The following ZNF407 variants were observed in gnomAD, a reference collection of about 807,000 sequenced individuals.
ZNF407 encodes the protein zinc finger protein 407.
Under a neutral mutation model 131.2 loss-of-function variants are expected in ZNF407, and 17 were observed. That is an observed-to-expected ratio of 0.13 (90% CI 0.09 to 0.19). The LOEUF is 0.19. ZNF407 is among the 10% of genes least tolerant of loss of function. The pLI, the probability that ZNF407 is intolerant of heterozygous loss-of-function variation, is 1.00. For synonymous variants in ZNF407, 1,156 were observed against 1,062.0 expected, an observed-to-expected ratio of 1.09 and a Z score of -1.72; for missense variants, 2,681 against 2,830.6, an observed-to-expected ratio of 0.95 and a Z score of 1.20.
chr18:74,811,072 T>A (rs564474389), intron 4 of ZNF407, among the ~76,000 whole-genome samples: 2 of 151,952 alleles, frequency 1.3e-5, no homozygotes, highest in African/African-American at 4.8e-5. Flanking sequence ...GAAACTACCA[T>A]CAGAGTGAAC....
intron 3 of ZNF407, among the ~76,000 whole-genome samples, chr18:74,766,084 G>A (rs2144986747): frequency 6.6e-6 from 1 of 150,986 alleles, no homozygotes; most frequent in East Asian, 1.9e-4. Context: ...TGTGTGTGTG[G>A]CTGTGTGAAT....
chr18:74,637,368 TA>T (rs1179369735), intron 2 of ZNF407, among the ~76,000 whole-genome samples: 2 of 152,228 alleles, frequency 1.3e-5, no homozygotes, highest in African/African-American at 4.8e-5. Flanking sequence ...TCCTTGACTA[TA>T]TGTATTAATT....
intron 8 of ZNF407, among the ~76,000 whole-genome samples, chr18:75,043,290 T>C (rs1236514686): frequency 6.6e-6 from 1 of 152,222 alleles, no homozygotes; most frequent in Non-Finnish European, 1.5e-5. Context: ...TCTTTTCATG[T>C]ATCCATGTGT....
At chr18:74,843,140 T>C (rs1355465279) in intron 4 of ZNF407, among the ~76,000 whole-genome samples, 3 of 152,242 alleles carry the variant, frequency 2.0e-5, no homozygotes, top group Non-Finnish European at 4.4e-5. Flanking sequence ...AAAAATACTT[T>C]GACGAATGAG....
intron 4 of ZNF407, among the ~76,000 whole-genome samples, chr18:74,855,981 C>G (rs1055489864): frequency 6.6e-6 from 1 of 152,226 alleles, no homozygotes; most frequent in Non-Finnish European, 1.5e-5. Flanking sequence ...ACAGCCCTAA[C>G]AATAAGAGAG....
chr18:74,728,915 C>CGGTTG (rs1354555798), intron 3 of ZNF407, among the ~76,000 whole-genome samples: 1 of 152,124 alleles, frequency 6.6e-6, no homozygotes, highest in Non-Finnish European at 1.5e-5. Flanking sequence ...TTGAGTGGTA[C>CGGTTG]GGTTGTTTTT....
intron 8 of ZNF407, among the ~76,000 whole-genome samples, chr18:74,978,623 AG>A (rs1972554259): frequency 6.6e-6 from 1 of 151,732 alleles, no homozygotes; most frequent in South Asian, 2.1e-4. Flanking sequence ...TTTAGCGAGG[AG>A]GGACATACTG....
chr18:74,973,341 A>T (rs1265552295), intron 8 of ZNF407, among the ~76,000 whole-genome samples: 1 of 152,218 alleles, frequency 6.6e-6, no homozygotes, highest in East Asian at 1.9e-4. Flanking sequence ...CAGTCACCAA[A>T]CATAATTTAG....
intron 3 of ZNF407, among the ~76,000 whole-genome samples, chr18:74,704,468 A>G (rs1279314608): frequency 1.3e-5 from 2 of 152,196 alleles, no homozygotes; most frequent in Non-Finnish European, 2.9e-5. Context: ...GGAGCTTGAC[A>G]CAGATCTGGG....
intron 3 of ZNF407, among the ~76,000 whole-genome samples, chr18:74,702,300 A>G (rs187059889): frequency 8.5e-5 from 13 of 152,280 alleles, no homozygotes; most frequent in Non-Finnish European, 1.8e-4. Flanking sequence ...TTTCCAATCA[A>G]GTACACTTTT....
intron 3 of ZNF407, among the ~76,000 whole-genome samples, chr18:74,777,200 T>C (rs1009973583): frequency 1.3e-5 from 2 of 152,172 alleles, no homozygotes; most frequent in African/African-American, 4.8e-5. Flanking sequence ...AGAATTTATT[T>C]TGAAATATTG....
At chr18:74,866,356 C>T (rs7227571) in intron 4 of ZNF407, among the ~76,000 whole-genome samples, 15,262 of 152,138 alleles carry the variant, frequency 0.1, 991 homozygotes, top group Middle Eastern at 0.23. Context: ...ACCTTTCTAG[C>T]TAATCTTACC....
intron 8 of ZNF407, among the ~76,000 whole-genome samples, chr18:74,925,783 G>A (rs138352914): frequency 1.7e-4 from 26 of 152,286 alleles, no homozygotes; most frequent in East Asian, 9.6e-4. Flanking sequence ...AAAAAGGAAC[G>A]AAATTTTTCC....
intron 8 of ZNF407, among the ~76,000 whole-genome samples, chr18:75,028,207 T>C (rs1973193986): frequency 1.3e-5 from 2 of 152,196 alleles, no homozygotes; most frequent in African/African-American, 4.8e-5. Flanking sequence ...CAAAGCACCA[T>C]GGGCTGGGCG....
chr18:74,875,527 G>T (rs990010893), intron 4 of ZNF407, among the ~76,000 whole-genome samples: 1 of 152,288 alleles, frequency 6.6e-6, no homozygotes, highest in African/African-American at 2.4e-5. Context: ...TCTTGTAGGA[G>T]AAGGTTAGAG....
At chr18:75,019,907 C>T (rs576145601) in intron 8 of ZNF407, among the ~76,000 whole-genome samples, 14 of 152,100 alleles carry the variant, frequency 9.2e-5, no homozygotes, top group Non-Finnish European at 1.8e-4. Context: ...ACAAGAACAG[C>T]AAGGGGGAAA....
intron 8 of ZNF407, among the ~76,000 whole-genome samples, chr18:74,924,768 G>C (rs1335303234): frequency 6.6e-6 from 1 of 152,118 alleles, no homozygotes; most frequent in African/African-American, 2.4e-5. Context: ...AGGAGAGGCT[G>C]CTCAGCCTTC....
rs1971498983 is a variant in ZNF407 at position 74,899,784 on chromosome 18, G to A, written c.5249+9746G>A. Among the ~76,000 whole-genome samples the A allele has an allele frequency of 1.3e-5, 2 of 152,178 alleles. 1 individual carries two copies. The highest frequency in any genetic ancestry group is 4.1e-4 in the South Asian group (2 of 4,832). On this transcript the variant is annotated intron_variant, in intron 7 of 8. Transcript: ENST00000299687. ...GGTGTTGATGAAATAGGAGAGTGCA[G>A]CCCGCCAGCCACAGCCACTGGGTCT...
intron 3 of ZNF407, among the ~76,000 whole-genome samples, chr18:74,652,923 G>A (rs1431332401): frequency 3.9e-5 from 6 of 152,016 alleles, no homozygotes; most frequent in Non-Finnish European, 8.8e-5. Context: ...TATAAGCTAT[G>A]ACTGGACATG....
Sources: allele counts gnomAD v4.1 joint callset (sites outside exome capture counted in the v4.1 genomes callset), GRCh38; gene constraint gnomAD v4.1.1; transcripts MANE v1.5; gene names NCBI Gene and HGNC (gene_info 2026-07-23, HGNC 2026-07-21).